The following CDH20 variants were observed in gnomAD, a reference collection of about 807,000 sequenced individuals.
CDH20 encodes the protein cadherin 20.
CDH20 carries 29 observed loss-of-function variants against 74.2 expected under a neutral mutation model. The ratio of observed to expected loss-of-function variants is 0.39; its 90% CI spans 0.29 to 0.53. The LOEUF (loss-of-function observed/expected upper bound fraction) is 0.53, where lower values mean the gene tolerates loss of function less well. Ranked by LOEUF, CDH20 falls within the 20% of genes least tolerant of loss-of-function variation. CDH20 has a pLI of 0.69. For synonymous variants in CDH20, 469 were observed against 405.4 expected (o/e 1.16, Z -1.88); for missense variants, 988 against 1,048.3 (o/e 0.94, Z 0.79).
chr18:61,371,060 G>A (rs1911021995), intron 1 of CDH20, among the ~76,000 whole-genome samples: 1 of 152,212 alleles, frequency 6.6e-6, no homozygotes, highest in Middle Eastern at 3.4e-3. Flanking sequence ...CATGATCTCA[G>A]ATCAGAGCTT....
chr18:61,439,231 C>A (rs57924059), intron 1 of CDH20, among the ~76,000 whole-genome samples: 1 of 152,156 alleles, frequency 6.6e-6, no homozygotes, highest in African/African-American at 2.4e-5. Context: ...GAAACCCATG[C>A]ATGTATACCC....
intron 1 of CDH20, among the ~76,000 whole-genome samples, chr18:61,351,504 A>G (rs1910304546): frequency 6.6e-6 from 1 of 152,234 alleles, no homozygotes; most frequent in Non-Finnish European, 1.5e-5. Context: ...GATTATCAAT[A>G]TAAAACATTT....
At chr18:61,422,502 T>C (rs941132162) in intron 1 of CDH20, among the ~76,000 whole-genome samples, 1 of 152,186 alleles carries the variant, frequency 6.6e-6, no homozygotes, top group African/African-American at 2.4e-5. Flanking sequence ...CAGGCAGTTC[T>C]GTTGACCTTT....
At chr18:61,337,438 A>T (rs1909795159) in intron 1 of CDH20, among the ~76,000 whole-genome samples, 1 of 152,230 alleles carries the variant, frequency 6.6e-6, no homozygotes, top group African/African-American at 2.4e-5. Context: ...CCAGATTGTT[A>T]TGCTTCTCCA....
intron 1 of CDH20, among the ~76,000 whole-genome samples, chr18:61,385,469 C>A (rs940309543): frequency 6.6e-6 from 1 of 151,464 alleles, no homozygotes; most frequent in Non-Finnish European, 1.5e-5. Flanking sequence ...TCACTACACT[C>A]AAAACATCAA....
At chr18:61,528,458 C>T (rs1311529425) in intron 7 of CDH20, among the ~76,000 whole-genome samples, 9 of 151,308 alleles carry the variant, frequency 5.9e-5, no homozygotes, top group Non-Finnish European at 1.0e-4. Flanking sequence ...CACACACACA[C>T]ACACACACAC....
At chr18:61,548,450 G>C (rs78530995) in intron 10 of CDH20, among the ~76,000 whole-genome samples, 89 of 152,326 alleles carry the variant, frequency 5.8e-4, no homozygotes, top group African/African-American at 2.1e-3. Flanking sequence ...TGTCCAAATT[G>C]TGAAGATTGA....
chr18:61,490,944 A>C (rs1910939481), intron 2 of CDH20, 145 bp downstream of exon 2: 1 of 825,584 alleles, frequency 1.2e-6, no homozygotes, highest in African/African-American at 1.7e-5. Context: ...CTAAAATGTA[A>C]CTTCTGCTTT....
chr18:61,375,971 A>T (rs1911214572), intron 1 of CDH20, among the ~76,000 whole-genome samples: 2 of 152,168 alleles, frequency 1.3e-5, no homozygotes. Flanking sequence ...CAATGATTAA[A>T]ATTTAATTAT....
chr18:61,442,337 T>A (rs1430996963), intron 1 of CDH20, among the ~76,000 whole-genome samples: 1 of 138,524 alleles, frequency 7.2e-6, no homozygotes, highest in African/African-American at 2.7e-5. Flanking sequence ...CACAACAGAG[T>A]GAGACCCTGT....
intron 1 of CDH20, among the ~76,000 whole-genome samples, chr18:61,455,220 A>T (rs2144346777): frequency 6.6e-6 from 1 of 152,336 alleles, no homozygotes; most frequent in African/African-American, 2.4e-5. Context: ...CACAGATTAG[A>T]GGAGACTAAA....
chr18:61,404,821 C>CAAA (rs1470900805), intron 1 of CDH20: 2 of 293,206 alleles, frequency 6.8e-6, no homozygotes, highest in East Asian at 6.9e-5. Context: ...TTTTAACAAG[C>CAAA]ACTGGCAAAT....
chr18:61,351,898 C>T (rs961616604), intron 1 of CDH20, among the ~76,000 whole-genome samples: 2 of 152,024 alleles, frequency 1.3e-5, no homozygotes, highest in South Asian at 4.2e-4. Context: ...TATCAACCTC[C>T]CCTCAAAATG....
intron 1 of CDH20, among the ~76,000 whole-genome samples, chr18:61,344,502 G>T (rs1195232869): frequency 6.6e-6 from 1 of 152,092 alleles, no homozygotes; most frequent in African/African-American, 2.4e-5. Flanking sequence ...TTGAAATGTT[G>T]CCAGTTTCTA....
intron 1 of CDH20, among the ~76,000 whole-genome samples, chr18:61,388,830 C>T (rs773403577): frequency 6.6e-6 from 1 of 152,204 alleles, no homozygotes; most frequent in African/African-American, 2.4e-5. Context: ...TTCATCTCTG[C>T]TCCTCCATCT....
chr18:61,374,475 T>C (rs987728227), intron 1 of CDH20, among the ~76,000 whole-genome samples: 2 of 152,076 alleles, frequency 1.3e-5, no homozygotes, highest in Admixed American at 6.6e-5. Flanking sequence ...AGAAACAAAT[T>C]TGTGCACATT....
At chr18:61,477,581 C>T (rs1024143249) in intron 1 of CDH20, among the ~76,000 whole-genome samples, 3 of 152,102 alleles carry the variant, frequency 2.0e-5, no homozygotes, top group Non-Finnish European at 2.9e-5. Context: ...CATAGTATTC[C>T]GATGCATGAG....
intron 1 of CDH20, among the ~76,000 whole-genome samples, chr18:61,455,627 T>C (rs1294955792): frequency 6.6e-6 from 1 of 152,046 alleles, no homozygotes; most frequent in Non-Finnish European, 1.5e-5. Context: ...TCATTTATTC[T>C]ATGTTTTGGG....
chr18:61,479,156 T>C (rs1173176396), intron 1 of CDH20, among the ~76,000 whole-genome samples: 6 of 152,128 alleles, frequency 3.9e-5, no homozygotes, highest in Non-Finnish European at 8.8e-5. Flanking sequence ...TATTTGAATA[T>C]GTTCTTTTAA....
Sources: gnomAD v4.1 joint callset for allele counts (sites outside exome capture counted in the v4.1 genomes callset) on GRCh38, gnomAD v4.1.1 for gene constraint, MANE v1.5 for transcripts, NCBI Gene and HGNC (gene_info 2026-07-23, HGNC 2026-07-21) for gene names.